Variants in COP1 observed in about 807,000 individuals in gnomAD.
The protein encoded by COP1 is E3 ubiquitin-protein ligase COP1.
A neutral mutation model predicts 101.3 loss-of-function variants in COP1; 24 were observed. That is an observed-to-expected ratio of 0.24 (90% CI 0.17 to 0.33). The LOEUF is 0.33. Among genes scored for constraint, COP1 ranks in the 10% least tolerant of loss-of-function variants. The pLI is 1.00. For synonymous variants in COP1, 347 were observed against 341.9 expected, an observed-to-expected ratio of 1.01 and a Z score of -0.17; for missense variants, 663 against 906.2, an observed-to-expected ratio of 0.73 and a Z score of 3.45.
At chr1:175,985,488 T>C (rs1000316175) in intron 18 of COP1, among the ~76,000 whole-genome samples, 5 of 152,234 alleles carry the variant, frequency 3.3e-5, no homozygotes, top group African/African-American at 1.2e-4. Context: ...TGAAGACTTA[T>C]CTTCTGGTTT....
At chr1:176,104,122 G>A (rs1683904131) in intron 9 of COP1, among the ~76,000 whole-genome samples, 1 of 151,918 alleles carries the variant, frequency 6.6e-6, no homozygotes, top group African/African-American at 2.4e-5. Context: ...ATAGGGCTGG[G>A]GGCACATAGC....
At chr1:176,014,380 G>A (rs1265747673) in intron 15 of COP1, among the ~76,000 whole-genome samples, 1 of 152,128 alleles carries the variant, frequency 6.6e-6, no homozygotes, top group African/African-American at 2.4e-5. Flanking sequence ...TATTTCAACA[G>A]CACAAGTTAT....
chr1:175,965,831 C>T (rs1445374914), intron 18 of COP1, among the ~76,000 whole-genome samples: 1 of 152,122 alleles, frequency 6.6e-6, no homozygotes, highest in Non-Finnish European at 1.5e-5. Flanking sequence ...ACCCACCCGC[C>T]TCAGCCTCCT....
chr1:176,147,684 G>T (rs1009461546), intron 6 of COP1, among the ~76,000 whole-genome samples: 1 of 152,086 alleles, frequency 6.6e-6, no homozygotes. Context: ...GTTTAATAAC[G>T]GAAATATAAA....
At chr1:176,122,995 A>C (rs528363823) in intron 8 of COP1, among the ~76,000 whole-genome samples, 7 of 152,324 alleles carry the variant, frequency 4.6e-5, no homozygotes, top group African/African-American at 1.7e-4. Context: ...ACTCCAACAA[A>C]ATAAGTTAAA....
intron 6 of COP1, among the ~76,000 whole-genome samples, chr1:176,146,033 C>T (rs568465222): frequency 3.3e-5 from 5 of 152,110 alleles, no homozygotes; most frequent in African/African-American, 7.2e-5. Context: ...ATATAAAAAT[C>T]GTTTAAAATT....
In COP1 at chr1:176,207,049, C is replaced by T; in HGVS notation, c.-71G>A. The stretch of plus-strand genomic sequence containing the variant: ...CGACCTCGACCCTCCGCCGCCTCCC[C>T]TCCCCTCAGCCTCAGTGCATCCTGA... On this transcript the variant is annotated 5_prime_UTR_variant, in exon 1 of 20. Transcript: ENST00000367669. 3 of 1,263,442 alleles carry T rather than the reference C, an allele frequency of 2.4e-6. No homozygotes were observed. Among genetic ancestry groups the T allele is most frequent in the Non-Finnish European group, 3.1e-6 (3 of 981,844 alleles). 78.3% of individuals were successfully genotyped at this position (1,263,442 alleles called of 1,614,324 possible). A position where few individuals can be genotyped will look rare whatever the true frequency, so the allele number is the denominator to read the frequency against.
At chr1:175,955,694 AATG>A (rs1452342879) in intron 18 of COP1, among the ~76,000 whole-genome samples, 1 of 151,926 alleles carries the variant, frequency 6.6e-6, no homozygotes, top group East Asian at 1.9e-4. Flanking sequence ...ACTAACAATA[AATG>A]ATAAGCAAAT....
chr1:176,180,689 A>T (rs544830351), intron 2 of COP1, among the ~76,000 whole-genome samples: 1 of 152,208 alleles, frequency 6.6e-6, no homozygotes, highest in Non-Finnish European at 1.5e-5. Context: ...ATATCTTTTT[A>T]TATCTATGTA....
At chr1:176,010,847 T>C (rs1157696197) in intron 15 of COP1, among the ~76,000 whole-genome samples, 1 of 152,206 alleles carries the variant, frequency 6.6e-6, no homozygotes, top group African/African-American at 2.4e-5. Flanking sequence ...AATTAATACT[T>C]GACTCTTCAT....
chr1:176,137,414 T>G (rs1025798286), intron 6 of COP1, among the ~76,000 whole-genome samples: 2 of 152,316 alleles, frequency 1.3e-5, no homozygotes, highest in South Asian at 2.1e-4. Context: ...AAAAATAAAA[T>G]TATTCAATCA....
At chr1:176,190,276 T>C (rs1027005760) in intron 1 of COP1, among the ~76,000 whole-genome samples, 2 of 152,040 alleles carry the variant, frequency 1.3e-5, no homozygotes, top group African/African-American at 4.8e-5. Flanking sequence ...TTTCTTTGCG[T>C]GTCATGGTGG....
Position 176,132,520 on chromosome 1 carries a change from T to C in COP1, c.968+2490A>G, listed in dbSNP as rs193177094. Among the ~76,000 whole-genome samples the C allele has an allele frequency of 8.5e-3, 1,279 of 149,942 alleles. 19 individuals are homozygous for C. Among genetic ancestry groups the C allele is most frequent in the African/African-American group, 0.029 (1,187 of 40,832 alleles). The stretch of plus-strand genomic sequence containing the variant: ...GGGGGTATGTATGTGTGTGTGTATA[T>C]ACACACACACATATATGAATATATA... On this transcript the variant is annotated intron_variant, in intron 8 of 19. Transcript: ENST00000367669.
chr1:176,054,668 T>C (rs1197451980), intron 11 of COP1, among the ~76,000 whole-genome samples: 1 of 152,150 alleles, frequency 6.6e-6, no homozygotes, highest in East Asian at 1.9e-4. Flanking sequence ...CATCCTTGCT[T>C]ACCTACTCAA....
At chr1:175,977,219 C>T (rs1654799126) in intron 18 of COP1, among the ~76,000 whole-genome samples, 1 of 152,168 alleles carries the variant, frequency 6.6e-6, no homozygotes, top group East Asian at 1.9e-4. Flanking sequence ...TTATTTAATT[C>T]TCTACAATGT....
In COP1 at chr1:176,206,910, CGAG is replaced by C; in HGVS notation, c.66_68del (p.Ser23del). 8 of 1,465,326 alleles carry C rather than the reference CGAG, an allele frequency of 5.5e-6. No individual in the cohort carries two copies. The highest frequency in any genetic ancestry group is 2.9e-5 in the African/African-American group (2 of 68,350). 90.8% of individuals were successfully genotyped at this position (1,465,326 alleles called of 1,614,324 possible). ...ATAAAGACGAGGAGGCGGAAGTCAC[CGAG>C]GAGGCCGCCGAGGACCCGGGGCTTG... On this transcript the variant is annotated inframe_deletion, in exon 1 of 20. Transcript: ENST00000367669.
At chr1:175,969,614 T>C (rs1267941799) in intron 18 of COP1, among the ~76,000 whole-genome samples, 3 of 152,180 alleles carry the variant, frequency 2.0e-5, no homozygotes, top group Non-Finnish European at 4.4e-5. Flanking sequence ...AGCATAAACA[T>C]ATACAAGTTT....
At chr1:176,055,390 G>A (rs1419431855) in intron 11 of COP1, among the ~76,000 whole-genome samples, 1 of 152,106 alleles carries the variant, frequency 6.6e-6, no homozygotes, top group Non-Finnish European at 1.5e-5. Context: ...AGCCGAGATC[G>A]CACCACTGAA....
chr1:176,017,762 T>C (rs1009312118), intron 15 of COP1, among the ~76,000 whole-genome samples: 2 of 152,188 alleles, frequency 1.3e-5, no homozygotes, highest in Non-Finnish European at 2.9e-5. Flanking sequence ...TAACCTCAAG[T>C]GATCTGCCCA....
Sources: allele counts gnomAD v4.1 joint callset (sites outside exome capture counted in the v4.1 genomes callset), GRCh38; gene constraint gnomAD v4.1.1; transcripts MANE v1.5; gene names NCBI Gene and HGNC (gene_info 2026-07-23, HGNC 2026-07-21).